PLP2: variants seen among roughly 807,000 people sequenced by gnomAD.
PLP2 encodes the protein A4 differentiation-dependent protein.
A neutral mutation model predicts 11.4 loss-of-function variants in PLP2; 8 were observed. The observed-to-expected ratio is 0.70, with a 90% CI of 0.41 to 1.27. PLP2 has a LOEUF of 1.27. Ranked by LOEUF, PLP2 falls within the 50% of genes most tolerant of loss-of-function variation. The probability of loss-of-function intolerance (pLI) is 0.01; values close to 1 mark genes in which losing one functional copy is unlikely to be tolerated. For missense variants in PLP2, 127 were observed against 123.5 expected, an observed-to-expected ratio of 1.03 and a Z score of -0.14; for synonymous variants, 50 against 53.2, an observed-to-expected ratio of 0.94 and a Z score of 0.26.
chrX:49,173,129 A>G lies in PLP2; in HGVS notation c.97A>G (p.Ile33Val), dbSNP rs781853226. ...CCCCTTTCCCATGTCACCCTTCCAG[A>G]TATTATGCCTGGTGATCCTGATCTG... ...RKGILLFAEI[I>V]LCLVILICFS... is the part of the protein sequence containing the mutation. The change falls in exon 2 of 5, where the codon ATA (isoleucine) becomes GTA (valine). Residue 33 changes from isoleucine (I) to valine (V), a missense_variant and splice_region_variant. Ile to Val is a conservative substitution (Grantham distance 29). Coordinates refer to ENST00000376327, the MANE Select transcript of PLP2 (RefSeq NM_002668.3). The G allele has an allele frequency of 1.3e-5, 16 of 1,209,539 alleles. No individual in the cohort carries two copies. In the South Asian group the frequency reaches 2.6e-4, roughly 20 times the overall value.
In PLP2 at chrX:49,174,453, G is replaced by A. The variant is rs782109629; in HGVS notation, c.436+28G>A. The A allele has an allele frequency of 3.4e-5, 38 of 1,131,226 alleles. No individual in the cohort carries two copies. The East Asian group carries it at 1.1e-3, about 32-fold the overall frequency. 93.2% of individuals were successfully genotyped at this position (1,131,226 alleles called of 1,213,427 possible). On this transcript the variant is annotated intron_variant, in intron 4 of 4. Coordinates refer to ENST00000376327, the MANE Select transcript of PLP2 (RefSeq NM_002668.3). The stretch of plus-strand genomic sequence containing the variant: ...AAGTGTGTGTGTGTGTTGGTTGGGG[G>A]TAAGGGGGTTGCTGAGAGGGCAGAG...
intron 3 of PLP2, 118 bp downstream of exon 3, chrX:49,173,601 C>T: frequency 8.5e-7 from 1 of 1,173,931 alleles, no homozygotes; most frequent in Non-Finnish European, 1.1e-6. Context: ...CACTTGTCCT[C>T]AGACATGGAG....
chrX:49,173,264 A>G lies in PLP2; in HGVS notation c.232A>G (p.Ile78Val). 8.3e-7 allele frequency: 1 copy of G among 1,211,323 alleles called. No homozygotes were observed. Among genetic ancestry groups the G allele is most frequent in the Non-Finnish European group, 1.1e-6 (1 of 895,151 alleles). ...TGACCTGCACACCAAGATACCATTCATCAACTGGCCCTGGAGTGTGAGAAG... is the reference window on the plus strand; with the variant it reads ...TGACCTGCACACCAAGATACCATTCGTCAACTGGCCCTGGAGTGTGAGAAG... Reference protein sequence around the residue: ...MCDLHTKIPFINWPWSDFFRT... With the variant: ...MCDLHTKIPFVNWPWSDFFRT... Residue 78 changes from isoleucine to valine, a missense_variant, in exon 2 of 5, where the codon ATC becomes GTC. Transcript: ENST00000376327.
At chrX:49,174,586 G>C in intron 4 of PLP2, 86 bp from the exon 5 acceptor site, 3 of 981,928 alleles carry the variant, frequency 3.1e-6, no homozygotes, top group Non-Finnish European at 4.3e-6. Flanking sequence ...ATTCTTGTGT[G>C]TAAAATGTTC....
At position 49,172,023 on chromosome X, in the gene PLP2, C is replaced by T. The variant is rs1557099253; in HGVS notation, c.23C>T (p.Ser8Leu). ...GCCATGGCGGATTCTGAGCGCCTCT[C>T]GGCTCCTGGCTGCTGGGCCGCCTGC... MADSERL[S>L]APGCWAACTN... The change falls in exon 1 of 5, where the codon TCG (serine) becomes TTG (leucine). Residue 8 changes from serine (S) to leucine (L), a missense_variant. Transcript: ENST00000376327. The T allele has an allele frequency of 3.3e-6, 4 of 1,206,057 alleles. No homozygotes were observed. The highest frequency in any genetic ancestry group is 4.5e-6 in the Non-Finnish European group (4 of 890,665).
chrX:49,173,085 C>T, intron 1 of PLP2, 44 bp from the exon 2 acceptor site: 1 of 1,172,194 alleles, frequency 8.5e-7, no homozygotes, highest in Non-Finnish European at 1.2e-6. Flanking sequence ...TCTTCTCAGC[C>T]CTGGTTGCTG....
intron 3 of PLP2, 191 bp downstream of exon 3, chrX:49,173,674 C>G: frequency 1.1e-6 from 1 of 899,198 alleles, no homozygotes; most frequent in Non-Finnish European, 1.6e-6. Flanking sequence ...AAGGGAAGTC[C>G]CTTGTCAGAC....
In PLP2 at chrX:49,172,050, C is replaced by G. The variant is rs782663367; in HGVS notation, c.50C>G (p.Thr17Ser). Residue 17 changes from threonine (T) to serine (S), a missense_variant, in exon 1 of 5, where the codon ACC (threonine) becomes AGC (serine). Thr to Ser is a moderately conservative substitution (Grantham distance 58, BLOSUM62 1). Coordinates refer to ENST00000376327, the MANE Select transcript of PLP2 (RefSeq NM_002668.3). ...GCTCCTGGCTGCTGGGCCGCCTGCA[C>G]CAACTTCTCGCGCACTCGAAAGGGA... ...LSAPGCWAAC[T>S]NFSRTRKGIL... The G allele has an allele frequency of 4.1e-6, 5 of 1,209,075 alleles. No homozygotes were observed. Among genetic ancestry groups the G allele is most frequent in the Middle Eastern group, 2.3e-4 (1 of 4,347 alleles).
chrX:49,174,730 T>C lies in PLP2; in HGVS notation c.*36T>C. On this transcript the variant is annotated 3_prime_UTR_variant, in exon 5 of 5. Coordinates refer to ENST00000376327, the MANE Select transcript of PLP2 (RefSeq NM_002668.3). Reference sequence around the variant, plus strand: ...CTCATTTCTCTCTGCAATCTGCAAATAACTCCTCCATTGAAATAACTCCTC... The same window carrying C: ...CTCATTTCTCTCTGCAATCTGCAAACAACTCCTCCATTGAAATAACTCCTC... The C allele has an allele frequency of 8.8e-7, 1 of 1,131,909 alleles. No individual in the cohort carries two copies. The highest frequency in any genetic ancestry group is 1.2e-6 in the Non-Finnish European group (1 of 824,238). 93.3% of individuals were successfully genotyped at this position (1,131,909 alleles called of 1,213,427 possible).
At position 49,174,683 on chromosome X, in the gene PLP2, G is replaced by A; in HGVS notation, c.448G>A (p.Gly150Ser). The change falls in exon 5 of 5, where the codon GGC becomes AGC. Residue 150 changes from glycine to serine, a missense_variant. By Grantham distance (56) the Gly-to-Ser change is moderately conservative. Transcript: ENST00000376327. ...HTAAPTDPAD[G>S]PV ...TTCCTCACCTGCAGACCCCGCAGAT[G>A]GCCCGGTGTAGGCGAACTTCCCTCA... is the stretch of plus-strand genomic sequence containing the variant. 1 of 1,206,598 alleles carries A rather than the reference G, an allele frequency of 8.3e-7. No individual in the cohort carries two copies. The highest frequency in any genetic ancestry group is 1.1e-6 in the Non-Finnish European group (1 of 891,026).
chrX:49,174,537 C>A, intron 4 of PLP2, 112 bp downstream of exon 4: 1 of 867,628 alleles, frequency 1.2e-6, no homozygotes, highest in Non-Finnish European at 1.7e-6. Flanking sequence ...CGTATTGGTA[C>A]TTAGGGCTTT....
Position 49,172,042 on chromosome X carries a change from C to T in PLP2, c.42C>T (p.Ala14=), listed in dbSNP as rs1557099259. 1 of 1,208,746 alleles carries T rather than the reference C, an allele frequency of 8.3e-7. No individual in the cohort carries two copies. The highest frequency in any genetic ancestry group is 1.1e-6 in the Non-Finnish European group (1 of 892,827). The change falls in exon 1 of 5, where the codon GCC becomes GCT. Residue 14 remains alanine, a synonymous_variant. Transcript: ENST00000376327. The stretch of plus-strand genomic sequence containing the variant: ...GCCTCTCGGCTCCTGGCTGCTGGGC[C>T]GCCTGCACCAACTTCTCGCGCACTC... ...SERLSAPGCW[A]ACTNFSRTRK...
chrX:49,174,669 C>T lies in PLP2; in HGVS notation c.437-3C>T. The T allele has an allele frequency of 8.3e-7, 1 of 1,205,164 alleles. No homozygotes were observed. Among genetic ancestry groups the T allele is most frequent in the Non-Finnish European group, 1.1e-6 (1 of 889,725 alleles). On this transcript the variant is annotated splice_region_variant and splice_polypyrimidine_tract_variant and intron_variant, in intron 4 of 4. Coordinates refer to ENST00000376327, the MANE Select transcript of PLP2 (RefSeq NM_002668.3). Reference sequence around the variant, plus strand: ...ATGCTTTCTCTCTTTTCCTCACCTGCAGACCCCGCAGATGGCCCGGTGTAG... The same window carrying T: ...ATGCTTTCTCTCTTTTCCTCACCTGTAGACCCCGCAGATGGCCCGGTGTAG...
intron 1 of PLP2, among the ~76,000 whole-genome samples, chrX:49,172,606 C>A (rs181885381): frequency 0.011 from 1,227 of 112,773 alleles, 23 homozygotes; most frequent in Non-Finnish European, 0.019. Context: ...GGTTTCCACC[C>A]TTCTCAAAGT....
intron 3 of PLP2, 47 bp downstream of exon 3, chrX:49,173,530 G>A (rs1231805127): frequency 1.7e-6 from 2 of 1,208,688 alleles, no homozygotes; most frequent in East Asian, 3.0e-5. Flanking sequence ...AAGGGTTTGA[G>A]GAGCCAGGGA....
At chrX:49,174,165 G>A (rs1300285738) in intron 3 of PLP2, among the ~76,000 whole-genome samples, 170 bp from the exon 4 acceptor site, 1 of 111,525 alleles carries the variant, frequency 9.0e-6, no homozygotes, top group African/African-American at 3.3e-5. Flanking sequence ...TATAGGAGGA[G>A]GGAGAGTGGG....
intron 4 of PLP2, 83 bp downstream of exon 4, chrX:49,174,508 C>T (rs1485582692): frequency 5.5e-6 from 5 of 913,030 alleles, no homozygotes; most frequent in Non-Finnish European, 8.0e-6. Context: ...CTTAAAGGCA[C>T]GAATGCCAAC....
intron 4 of PLP2, 112 bp downstream of exon 4, chrX:49,174,537 C>T: frequency 1.2e-6 from 1 of 867,628 alleles, no homozygotes; most frequent in Non-Finnish European, 1.7e-6. Flanking sequence ...CGTATTGGTA[C>T]TTAGGGCTTT....
At position 49,174,838 on chromosome X, in the gene PLP2, C is replaced by G; in HGVS notation, c.*144C>G. ...AGTGCCTTTATTGGGAGACTTTTGT[C>G]TTCCAGCCTGCCAATCAACCCTCCT... is the stretch of plus-strand genomic sequence containing the variant. On this transcript the variant is annotated 3_prime_UTR_variant, in exon 5 of 5. Transcript: ENST00000376327. The G allele has an allele frequency of 1.8e-6, 1 of 555,172 alleles. No individual in the cohort carries two copies. The highest frequency in any genetic ancestry group is 2.5e-5 in the South Asian group (1 of 40,235). The allele number at this position is 555,172 out of a possible 1,213,427, so 45.8% of individuals were successfully genotyped here.
Sources: gnomAD v4.1 joint callset for allele counts (sites outside exome capture counted in the v4.1 genomes callset) on GRCh38, gnomAD v4.1.1 for gene constraint, MANE v1.5 for transcripts, NCBI Gene and HGNC (gene_info 2026-07-23, HGNC 2026-07-21) for gene names.